Variants in MACROH2A1 observed in about 807,000 individuals in gnomAD.
The protein encoded by MACROH2A1 is core histone macro-H2A.1.
In MACROH2A1, 2 loss-of-function variants were observed where a neutral mutation model predicts 31.6. That is an observed-to-expected ratio of 0.06 (90% CI 0.03 to 0.20). The LOEUF (loss-of-function observed/expected upper bound fraction) is 0.20, where lower values mean the gene tolerates loss of function less well. Among genes scored for constraint, MACROH2A1 ranks in the 10% least tolerant of loss-of-function variants. The pLI, the probability that MACROH2A1 is intolerant of heterozygous loss-of-function variation, is 1.00. For missense variants in MACROH2A1, 230 were observed against 474.0 expected (o/e 0.49, Z 4.78); for synonymous variants, 169 against 189.6 (o/e 0.89, Z 0.89).
chr5:135,336,741 T>C (rs1758776055), intron 8 of MACROH2A1, among the ~76,000 whole-genome samples: 1 of 152,228 alleles, frequency 6.6e-6, no homozygotes, highest in African/African-American at 2.4e-5. Flanking sequence ...CCAGTGCTGT[T>C]TGCAGATCTG....
intron 7 of MACROH2A1, 127 bp downstream of exon 7, chr5:135,345,840 CT>C: frequency 1.5e-6 from 1 of 674,848 alleles, no homozygotes; most frequent in African/African-American, 1.8e-5. Context: ...ACAGGCTGTC[CT>C]TGGCCTCCAT....
chr5:135,370,257 A>G, intron 2 of MACROH2A1, 115 bp from the exon 3 acceptor site: 1 of 628,948 alleles, frequency 1.6e-6, no homozygotes, highest in Non-Finnish European at 2.8e-6. Flanking sequence ...GGAAGCAGCT[A>G]CCCTGAGGTG....
At position 135,389,113 on chromosome 5, in the gene MACROH2A1, G is replaced by A; in HGVS notation, c.-20C>T. 2.5e-6 allele frequency: 4 copies of A among 1,609,350 alleles called. No homozygotes were observed. The highest frequency in any genetic ancestry group is 3.4e-6 in the Non-Finnish European group (4 of 1,176,638). ...CGACATGGCGGTGGCCCTGGAGGCG[G>A]ATCAGTGAGCACACTGTGAAGGCGA... is the stretch of plus-strand genomic sequence containing the variant. On this transcript the variant is annotated 5_prime_UTR_variant, in exon 2 of 9. Transcript: ENST00000511689.
rs569977535 is a variant in MACROH2A1 at position 135,393,446 on chromosome 5, G to A, written c.-33-4320C>T. Among the ~76,000 whole-genome samples the A allele has an allele frequency of 1.8e-4, 27 of 152,324 alleles. No individual in the cohort carries two copies. In the South Asian group the frequency reaches 5.4e-3, roughly 30 times the overall value. Reference sequence around the variant, plus strand: ...AATCTGAACGCTGACCCTAACCCCAGAATGAGTTACCACCCAAAACCTGTT... The same window carrying A: ...AATCTGAACGCTGACCCTAACCCCAAAATGAGTTACCACCCAAAACCTGTT... On this transcript the variant is annotated intron_variant, in intron 1 of 8. Transcript: ENST00000511689.
At chr5:135,371,214 CG>C (rs1452752432) in intron 2 of MACROH2A1, among the ~76,000 whole-genome samples, 3 of 151,832 alleles carry the variant, frequency 2.0e-5, no homozygotes, top group Non-Finnish European at 4.4e-5. Flanking sequence ...GGGGTGGGGT[CG>C]GGGCGAATGT....
intron 1 of MACROH2A1, among the ~76,000 whole-genome samples, chr5:135,394,426 T>C (rs954383918): frequency 6.6e-6 from 1 of 152,182 alleles, no homozygotes; most frequent in African/African-American, 2.4e-5. Flanking sequence ...GCACAGGCCC[T>C]GTTGACCTCC....
intron 5 of MACROH2A1, chr5:135,358,953 C>G (rs1024274242): frequency 2.0e-6 from 2 of 985,346 alleles, no homozygotes; most frequent in Admixed American, 1.2e-4. Context: ...GCCCCCTCCC[C>G]TCCAGGGCTA....
In MACROH2A1 at chr5:135,398,409, A is replaced by C. The variant is rs1461457230; in HGVS notation, c.-34+653T>G. 6.6e-6 allele frequency among the ~76,000 whole-genome samples: 1 copy of C among 152,168 alleles called. No individual in the cohort carries two copies. Among genetic ancestry groups the C allele is most frequent in the African/African-American group, 2.4e-5 (1 of 41,450 alleles). On this transcript the variant is annotated intron_variant, in intron 1 of 8. Transcript: ENST00000511689. This position sits in a 1 kb window ranked among gnomAD's most constrained non-coding sequence, Gnocchi z 4.6. ...CAAAGCAAACAAAAGGCTGATACCG[A>C]GACAATCGGGAGCAGCGGGGGTTCC...
chr5:135,397,492 A>T (rs1016844419), intron 1 of MACROH2A1, among the ~76,000 whole-genome samples: 2 of 152,244 alleles, frequency 1.3e-5, no homozygotes, highest in Non-Finnish European at 2.9e-5. Context: ...TTAATGCCTT[A>T]TCTAGGGATC....
chr5:135,369,358 C>T lies in MACROH2A1; in HGVS notation c.477+48G>A, dbSNP rs1763907796. 2 of 1,488,192 alleles carry T rather than the reference C, an allele frequency of 1.3e-6. No homozygotes were observed. The highest frequency in any genetic ancestry group is 2.3e-5 in the South Asian group (2 of 88,420). 92.2% of individuals were successfully genotyped at this position (1,488,192 alleles called of 1,614,324 possible). ...GGGGTGCCCTGGTAACCCTGTTTAT[C>T]CGTACCCCATCCTATCCCACTTCAT... is the stretch of plus-strand genomic sequence containing the variant. On this transcript the variant is annotated intron_variant, in intron 4 of 8. Transcript: ENST00000511689. This position sits in a 1 kb window ranked among gnomAD's most constrained non-coding sequence, Gnocchi z 4.3.
chr5:135,356,090 G>T (rs1189636183), intron 5 of MACROH2A1: 3 of 152,246 alleles, frequency 2.0e-5, no homozygotes, highest in African/African-American at 7.2e-5. Flanking sequence ...CGTTAGGAAA[G>T]ATGGAAAACT....
At chr5:135,336,006 G>T (rs1199318642) in intron 8 of MACROH2A1, among the ~76,000 whole-genome samples, 1 of 152,182 alleles carries the variant, frequency 6.6e-6, no homozygotes, top group Non-Finnish European at 1.5e-5. Context: ...GATACTGAGG[G>T]TGAGTCTGGG....
intron 8 of MACROH2A1, among the ~76,000 whole-genome samples, chr5:135,339,157 T>C (rs1043196442): frequency 1.3e-5 from 2 of 152,236 alleles, no homozygotes; most frequent in Non-Finnish European, 2.9e-5. Context: ...AAGAGACATC[T>C]GAGCTTTCCC....
intron 4 of MACROH2A1, 128 bp from the exon 5 acceptor site, chr5:135,360,735 C>T (rs1222227734): frequency 1.2e-5 from 9 of 733,250 alleles, no homozygotes; most frequent in East Asian, 7.9e-5. Flanking sequence ...CAGTTCTCAG[C>T]GTTTCTCCAA....
At chr5:135,345,241 G>A (rs997226766) in intron 7 of MACROH2A1, 6 of 152,138 alleles carry the variant, frequency 3.9e-5, no homozygotes, top group South Asian at 2.1e-4. Context: ...TGGACCCTCC[G>A]AGAGAGCTTA....
At chr5:135,339,576 C>G (rs1469034769) in intron 8 of MACROH2A1, among the ~76,000 whole-genome samples, 3 of 152,196 alleles carry the variant, frequency 2.0e-5, no homozygotes, top group African/African-American at 7.2e-5. Flanking sequence ...CAATTGACGG[C>G]TGGGGAGGAG....
intron 2 of MACROH2A1, among the ~76,000 whole-genome samples, chr5:135,385,661 G>C (rs1418112715): frequency 6.6e-6 from 1 of 152,120 alleles, no homozygotes; most frequent in African/African-American, 2.4e-5. Context: ...AGACAGATAA[G>C]TGGTTGGCAG....
At chr5:135,364,000 T>C (rs1313334191) in intron 4 of MACROH2A1, among the ~76,000 whole-genome samples, 1 of 152,236 alleles carries the variant, frequency 6.6e-6, no homozygotes, top group East Asian at 1.9e-4. Context: ...TCATATCCTT[T>C]GCCCACTTTT....
intron 1 of MACROH2A1, among the ~76,000 whole-genome samples, chr5:135,395,465 C>T (rs966548177): frequency 6.6e-6 from 1 of 152,182 alleles, no homozygotes; most frequent in Non-Finnish European, 1.5e-5. Context: ...GGAAGAACCA[C>T]GCCATCCATT....
Sources: allele counts gnomAD v4.1 joint callset (sites outside exome capture counted in the v4.1 genomes callset), GRCh38; gene constraint gnomAD v4.1.1; non-coding constraint Gnocchi (gnomAD v3.1); transcripts MANE v1.5; gene names NCBI Gene and HGNC (gene_info 2026-07-23, HGNC 2026-07-21).